The following MTIF3 variants were observed in gnomAD, a reference collection of about 807,000 sequenced individuals.
MTIF3 encodes the protein translation initiation factor IF-3, mitochondrial.
MTIF3 carries 13 observed loss-of-function variants against 20.7 expected under a neutral mutation model. The observed-to-expected ratio is 0.63, with a 90% CI of 0.41 to 1.00. The LOEUF (loss-of-function observed/expected upper bound fraction) is 1.00, where lower values mean the gene tolerates loss of function less well. Among genes scored for constraint, MTIF3 ranks in the 50% least tolerant of loss-of-function variants. The pLI is 0.00. For missense variants in MTIF3, 295 were observed against 324.5 expected (o/e 0.91, Z 0.70); for synonymous variants, 114 against 112.5 (o/e 1.01, Z -0.08).
intron 2 of MTIF3, among the ~76,000 whole-genome samples, chr13:27,442,580 A>T (rs1954042352): frequency 6.6e-6 from 1 of 152,106 alleles, no homozygotes; most frequent in Non-Finnish European, 1.5e-5. Context: ...TGCCGACCGT[A>T]CTTCTTCTGG....
At chr13:27,438,509 T>TA (rs1555259813) in intron 3 of MTIF3, among the ~76,000 whole-genome samples, 2 of 123,612 alleles carry the variant, frequency 1.6e-5, no homozygotes, top group African/African-American at 5.8e-5. Flanking sequence ...TTTTTTTTTT[T>TA]AAACACAGGG....
chr13:27,445,088 C>T lies in MTIF3; in HGVS notation c.-2G>A, dbSNP rs1239386101. 1 of 152,070 alleles carries T rather than the reference C, an allele frequency of 6.6e-6. No individual in the cohort carries two copies. Among genetic ancestry groups the T allele is most frequent in the Non-Finnish European group, 1.5e-5 (1 of 68,028 alleles). The allele number at this position is 152,070 out of a possible 1,614,324, so 9.4% of individuals were successfully genotyped here. On this transcript the variant is annotated splice_region_variant and 5_prime_UTR_variant, in exon 2 of 5. Coordinates refer to ENST00000381120, the MANE Select transcript of MTIF3 (RefSeq NM_152912.5). ...AAAAAGAACTGAGCATTTATCCTAC[C>T]TTTTTTAGGAAGAACTGTAATCATC...
chr13:27,446,857 T>A (rs1954196029), intron 1 of MTIF3, among the ~76,000 whole-genome samples: 1 of 152,110 alleles, frequency 6.6e-6, no homozygotes, highest in Non-Finnish European at 1.5e-5. Context: ...GGAAGGAGGC[T>A]GGCATAAAAA....
Position 27,435,909 on chromosome 13 carries a change from A to T in MTIF3, c.619-16T>A, listed in dbSNP as rs761423029. On this transcript the variant is annotated splice_polypyrimidine_tract_variant and intron_variant, in intron 4 of 4. Coordinates refer to ENST00000381120, the MANE Select transcript of MTIF3 (RefSeq NM_152912.5). ...ATATCTCCTCCTAAAAAAGGGAAACAGCCAAAGATTAATTTAAAATCAGAG... is the reference window on the plus strand; with the variant it reads ...ATATCTCCTCCTAAAAAAGGGAAACTGCCAAAGATTAATTTAAAATCAGAG... The T allele has an allele frequency of 6.3e-7, 1 of 1,587,740 alleles. No homozygotes were observed. Among genetic ancestry groups the T allele is most frequent in the Non-Finnish European group, 8.6e-7 (1 of 1,158,968 alleles).
intron 2 of MTIF3, 72 bp from the exon 3 acceptor site, chr13:27,440,521 G>T: frequency 8.1e-7 from 1 of 1,236,656 alleles, no homozygotes; most frequent in Non-Finnish European, 1.1e-6. Context: ...GTGGTACATG[G>T]CAGGGTGTGT....
At chr13:27,436,062 A>G (rs555336605) in intron 4 of MTIF3, among the ~76,000 whole-genome samples, 169 bp from the exon 5 acceptor site, 45 of 152,212 alleles carry the variant, frequency 3.0e-4, no homozygotes, top group Non-Finnish European at 5.6e-4. Context: ...AATCTGTACA[A>G]TAACACCATG....
chr13:27,449,267 C>T (rs980752365), intron 1 of MTIF3, among the ~76,000 whole-genome samples: 4 of 152,180 alleles, frequency 2.6e-5, no homozygotes, highest in Admixed American at 6.5e-5. Context: ...CCACTGTCAC[C>T]ACCGTCAGTT....
intron 3 of MTIF3, among the ~76,000 whole-genome samples, chr13:27,438,771 C>T (rs9554039): frequency 0.4 from 60,584 of 151,706 alleles, 13,215 homozygotes; most frequent in South Asian, 0.59. Flanking sequence ...GCTGGGATTA[C>T]AGACGTGAGC....
chr13:27,440,697 C>A (rs1360852671), intron 2 of MTIF3, among the ~76,000 whole-genome samples: 2 of 150,970 alleles, frequency 1.3e-5, no homozygotes, highest in African/African-American at 4.9e-5. Context: ...TTAGAATAAA[C>A]CAGATTTACA....
intron 2 of MTIF3, chr13:27,440,912 A>G (rs921557066): frequency 5.9e-6 from 1 of 170,594 alleles, no homozygotes; most frequent in African/African-American, 2.4e-5. Context: ...TGATTAACAC[A>G]TATTTTGTAT....
intron 3 of MTIF3, among the ~76,000 whole-genome samples, chr13:27,438,398 G>C (rs1231739191): frequency 1.3e-5 from 2 of 151,160 alleles, no homozygotes; most frequent in Non-Finnish European, 3.0e-5. Flanking sequence ...GCAGAGGTGG[G>C]AGGATTGCTG....
At chr13:27,443,258 G>A (rs748212414) in intron 2 of MTIF3, among the ~76,000 whole-genome samples, 6 of 152,216 alleles carry the variant, frequency 3.9e-5, no homozygotes, top group Non-Finnish European at 8.8e-5. Context: ...GGAGCAAAGT[G>A]ATTTTAAATC....
chr13:27,449,268 A>G (rs1421430637), intron 1 of MTIF3, among the ~76,000 whole-genome samples: 1 of 151,954 alleles, frequency 6.6e-6, no homozygotes, highest in African/African-American at 2.4e-5. Flanking sequence ...CACTGTCACC[A>G]CCGTCAGTTT....
At chr13:27,443,139 G>T (rs1954059572) in intron 2 of MTIF3, among the ~76,000 whole-genome samples, 1 of 152,200 alleles carries the variant, frequency 6.6e-6, no homozygotes, top group South Asian at 2.1e-4. Flanking sequence ...GTCAGTAATG[G>T]TGAGTATCTG....
Position 27,435,765 on chromosome 13 carries a change from C to T in MTIF3, c.747G>A (p.Lys249=). The T allele has an allele frequency of 6.2e-7, 1 of 1,613,994 alleles. No individual in the cohort carries two copies. The highest frequency in any genetic ancestry group is 1.1e-5 in the South Asian group (1 of 91,080). ...VLRAFSKNEE[K]AYKETQETQE... is the part of the protein sequence containing the mutation. ...GGGTCTCTTGAGTTTCTTTATATGC[C>T]TTCTCCTCATTTTTGCTGAAAGCAC... is the stretch of plus-strand genomic sequence containing the variant. The change falls in exon 5 of 5, where the codon AAG becomes AAA. Residue 249 remains lysine, a synonymous_variant. Transcript: ENST00000381120.
At chr13:27,444,033 G>A (rs1446401626) in intron 2 of MTIF3, among the ~76,000 whole-genome samples, 1 of 152,218 alleles carries the variant, frequency 6.6e-6, no homozygotes, top group Admixed American at 6.5e-5. Flanking sequence ...GCCGGGTGCA[G>A]TGGCTCACGC....
rs1330038550 is a variant in MTIF3 at position 27,435,739 on chromosome 13, T to G, written c.773A>C (p.Gln258Pro). The G allele has an allele frequency of 6.2e-7, 1 of 1,614,004 alleles. No homozygotes were observed. The highest frequency in any genetic ancestry group is 1.3e-5 in the African/African-American group (1 of 74,944). ...GTCTTTGTTCAAAGTGTCTCTTTCCTGGGTCTCTTGAGTTTCTTTATATGC... is the reference window on the plus strand; with the variant it reads ...GTCTTTGTTCAAAGTGTCTCTTTCCGGGGTCTCTTGAGTTTCTTTATATGC... Reference protein sequence around the residue: ...EKAYKETQETQERDTLNKDHG... With the variant: ...EKAYKETQETPERDTLNKDHG... The change falls in exon 5 of 5, where the codon CAG becomes CCG. Residue 258 changes from glutamine (Q) to proline (P), a missense_variant. Transcript: ENST00000381120.
intron 3 of MTIF3, among the ~76,000 whole-genome samples, chr13:27,438,012 T>C (rs562258369): frequency 3.3e-5 from 5 of 152,040 alleles, no homozygotes; most frequent in South Asian, 2.1e-4. Context: ...AGAAAAACCA[T>C]CTACGTAGAA....
Position 27,450,561 on chromosome 13 carries a change from C to T in MTIF3, c.-123G>A, listed in dbSNP as rs894857544. ...TGTAGCGGACGCAAGTACAGCGGAT[C>T]TGCGGCGAGTCCCCTTCGCTCTCCG... On this transcript the variant is annotated 5_prime_UTR_variant, in exon 1 of 5. Transcript: ENST00000381120. 1 of 139,480 alleles carries T rather than the reference C, an allele frequency of 7.2e-6. No homozygotes were observed. Among genetic ancestry groups the T allele is most frequent in the Non-Finnish European group, 1.5e-5 (1 of 68,040 alleles). 8.6% of individuals were successfully genotyped at this position (139,480 alleles called of 1,614,324 possible).
Sources: gnomAD v4.1 joint callset for allele counts (sites outside exome capture counted in the v4.1 genomes callset) on GRCh38, gnomAD v4.1.1 for gene constraint, MANE v1.5 for transcripts, NCBI Gene and HGNC (gene_info 2026-07-23, HGNC 2026-07-21) for gene names.